The following CNKSR1 variants were observed in gnomAD, a reference collection of about 807,000 sequenced individuals.
CNKSR1 encodes connector enhancer of kinase suppressor of Ras 1.
CNKSR1 carries 88 observed loss-of-function variants against 95.6 expected under a neutral mutation model. The observed-to-expected ratio is 0.92, with a 90% confidence interval of 0.78 to 1.10. CNKSR1 has a LOEUF of 1.10. CNKSR1 is among the 50% of genes least tolerant of loss of function. The pLI is 0.00. For synonymous variants in CNKSR1, 355 were observed against 369.7 expected, an observed-to-expected ratio of 0.96 and a Z score of 0.46; for missense variants, 836 against 912.0, an observed-to-expected ratio of 0.92 and a Z score of 1.07.
rs2088649950 is a variant in CNKSR1 at position 26,181,703 on chromosome 1, C to G, written c.393-154C>G. On this transcript the variant is annotated intron_variant, in intron 3 of 20. Transcript: ENST00000361530. ...CATGACAAATAAGTCCTGTGCTAAT[C>G]TCTTTAGATGTCTCAATCATCTCCT... is the stretch of plus-strand genomic sequence containing the variant. The G allele has an allele frequency of 5.2e-5, 37 of 711,636 alleles. 1 individual carries two copies. Among genetic ancestry groups the G allele is most frequent in the South Asian group, 5.0e-4 (33 of 65,808 alleles). The allele number at this position is 711,636 out of a possible 1,614,324, so 44.1% of individuals were successfully genotyped here.
intron 16 of CNKSR1, 37 bp from the exon 17 acceptor site, chr1:26,188,197 G>A: frequency 6.3e-7 from 1 of 1,589,058 alleles, no homozygotes; most frequent in South Asian, 1.1e-5. Flanking sequence ...GGGCCCCAGT[G>A]GATGGAAACC....
At position 26,187,414 on chromosome 1, in the gene CNKSR1, G is replaced by A. The variant is rs1339844077; in HGVS notation, c.1386G>A (p.Val462=). The stretch of plus-strand genomic sequence containing the variant: ...ATGCTCCTCCACTACCTGGCAGTGT[G>A]TTTCAGCTCACCCATGATGTGTACA... The part of the protein sequence containing the change: ...ESGHDQKKKY[V]FQLTHDVYKP... Residue 462 remains valine (V), a synonymous_variant, in exon 16 of 21, where the codon GTG becomes GTA. Transcript: ENST00000361530. The A allele has an allele frequency of 2.5e-6, 4 of 1,614,082 alleles. No homozygotes were observed. The highest frequency in any genetic ancestry group is 3.4e-6 in the Non-Finnish European group (4 of 1,179,986).
intron 17 of CNKSR1, 65 bp from the exon 18 acceptor site, chr1:26,188,377 A>G (rs1329480481): frequency 1.9e-6 from 3 of 1,608,642 alleles, no homozygotes; most frequent in Non-Finnish European, 1.7e-6. Context: ...GATGGGGGCT[A>G]GGAACTCAAA....
intron 3 of CNKSR1, 25 bp from the exon 4 acceptor site, chr1:26,181,832 C>T: frequency 2.5e-6 from 4 of 1,609,558 alleles, no homozygotes; most frequent in Non-Finnish European, 3.4e-6. Context: ...GTCCCTTAAC[C>T]ACTGTGCTAT....
At position 26,182,352 on chromosome 1, in the gene CNKSR1, T is replaced by G; in HGVS notation, c.478-9T>G. On this transcript the variant is annotated splice_polypyrimidine_tract_variant and intron_variant, in intron 4 of 20. Coordinates refer to ENST00000361530, the MANE Select transcript of CNKSR1 (RefSeq NM_006314.3). ...AGGGGAGGCCCCTGCTCTCTCATTC[T>G]ACTTCCAGGATGGTCCAGCGGCTGA... The G allele has an allele frequency of 6.2e-7, 1 of 1,614,086 alleles. No individual in the cohort carries two copies. Among genetic ancestry groups the G allele is most frequent in the Non-Finnish European group, 8.5e-7 (1 of 1,179,974 alleles).
intron 16 of CNKSR1, among the ~76,000 whole-genome samples, chr1:26,187,992 C>T (rs973630769): frequency 3.3e-5 from 5 of 151,868 alleles, no homozygotes; most frequent in Admixed American, 6.6e-5. Flanking sequence ...AACACTTGGC[C>T]TCAAGCAATC....
At chr1:26,180,304 C>G in intron 1 of CNKSR1, 149 bp from the exon 2 acceptor site, 2 of 937,346 alleles carry the variant, frequency 2.1e-6, no homozygotes, top group African/African-American at 1.6e-5. Flanking sequence ...AACTCAGTGG[C>G]CTCATCTGTG....
At chr1:26,182,193 G>T in intron 4 of CNKSR1, 168 bp from the exon 5 acceptor site, 1 of 745,766 alleles carries the variant, frequency 1.3e-6, no homozygotes, top group East Asian at 2.6e-5. Context: ...TGGTATCAGG[G>T]AAACGAGCCC....
chr1:26,183,677 G>T, intron 8 of CNKSR1, 52 bp from the exon 9 acceptor site: 1 of 1,340,068 alleles, frequency 7.5e-7, no homozygotes, highest in Non-Finnish European at 1.1e-6. Context: ...GTTGGTGGTT[G>T]CTTTAGAGCC....
chr1:26,183,230 C>T lies in CNKSR1; in HGVS notation c.658C>T (p.His220Tyr), dbSNP rs888251520. 2 of 1,613,932 alleles carry T rather than the reference C, an allele frequency of 1.2e-6. No homozygotes were observed. The highest frequency in any genetic ancestry group is 1.3e-5 in the African/African-American group (1 of 74,918). Residue 220 changes from histidine to tyrosine, a missense_variant, in exon 7 of 21, where the codon CAC becomes TAC. Transcript: ENST00000361530. ...LEIHTTSNCQHFVSQVDTQVP... is the reference protein window; with the variant it reads ...LEIHTTSNCQYFVSQVDTQVP... The stretch of plus-strand genomic sequence containing the variant: ...AATTCACACCACCAGCAATTGCCAG[C>T]ACTTTGTGTCCCAAGTGGACACCCA...
rs368284772 is a variant in CNKSR1, at chr1:26,185,104, C to T, written c.1226C>T (p.Pro409Leu). Residue 409 changes from proline (P) to leucine (L), a missense_variant, in exon 14 of 21, where the codon CCG becomes CTG. Physicochemically the swap from Pro to Leu is moderately conservative, Grantham distance 98. Coordinates refer to ENST00000361530, the MANE Select transcript of CNKSR1 (RefSeq NM_006314.3). ...CDGWLLLRKA[P>L]GGFMGPRWRR... ...GGCTGGCTCCTGTTGCGAAAGGCAC[C>T]GGGCGGCTTCATGGGCCCGCGCTGG... 42 of 1,603,092 alleles carry T rather than the reference C, an allele frequency of 2.6e-5. No homozygotes were observed. The highest frequency in any genetic ancestry group is 6.8e-5 in the East Asian group (3 of 44,444).
rs1557624945 is a variant in CNKSR1 at position 26,187,474 on chromosome 1, T to A, written c.1446T>A (p.Asp482Glu). 2 of 1,614,066 alleles carry A rather than the reference T, an allele frequency of 1.2e-6. No individual in the cohort carries two copies. The highest frequency in any genetic ancestry group is 1.3e-5 in the African/African-American group (1 of 75,026). Residue 482 changes from aspartate to glutamate, a missense_variant, in exon 16 of 21, where the codon GAT becomes GAA. By Grantham distance (45) the Asp-to-Glu change is conservative (BLOSUM62 2). Transcript: ENST00000361530. ...PFIFAADTLT[D>E]LSMWVRHLIT... ...TCTTCGCTGCTGATACCCTGACAGA[T>A]CTGAGCATGTGAGTGCCGCCTCCCT...
At chr1:26,182,691 A>G in intron 6 of CNKSR1, 107 bp downstream of exon 6, 1 of 1,067,058 alleles carries the variant, frequency 9.4e-7, no homozygotes, top group Non-Finnish European at 1.4e-6. Flanking sequence ...ATGGCTGGAA[A>G]GCCTTTTTTG....
rs780714446 is a variant in CNKSR1, at chr1:26,183,341, G to A, written c.685-5G>A. On this transcript the variant is annotated splice_polypyrimidine_tract_variant and splice_region_variant and intron_variant, in intron 7 of 20. Coordinates refer to ENST00000361530, the MANE Select transcript of CNKSR1 (RefSeq NM_006314.3). ...GCCAACCTCAGGCCCCATTCCCCAC[G>A]TCAGGTTCCCACTGACTCCCGACTG... 3.5e-5 allele frequency: 57 copies of A among 1,614,172 alleles called. No homozygotes were observed. The South Asian group carries it at 5.3e-4, about 15-fold the overall frequency.
chr1:26,180,246 T>C, intron 1 of CNKSR1: 1 of 627,986 alleles, frequency 1.6e-6, no homozygotes, highest in Non-Finnish European at 2.8e-6. Flanking sequence ...CTGCTGCTGG[T>C]CTGGGGGCCA....
chr1:26,184,310 G>A, intron 11 of CNKSR1, 23 bp downstream of exon 11: 1 of 1,612,022 alleles, frequency 6.2e-7, no homozygotes, highest in South Asian at 1.1e-5. Flanking sequence ...CTCCATGGAT[G>A]CCCCGGACAC....
At position 26,183,820 on chromosome 1, in the gene CNKSR1, C is replaced by T. The variant is rs1360673382; in HGVS notation, c.845C>T (p.Thr282Ile). Residue 282 changes from threonine to isoleucine, a missense_variant, in exon 9 of 21, where the codon ACC becomes ATC. Coordinates refer to ENST00000361530, the MANE Select transcript of CNKSR1 (RefSeq NM_006314.3). ...LVLKKIPIPETPPQTPPQVLD... is the reference protein window; with the variant it reads ...LVLKKIPIPEIPPQTPPQVLD... ...CTGAAGAAGATCCCGATACCGGAGA[C>T]CCCCCCACAGGTACCTTCCCCTGCC... 1 of 1,206,318 alleles carries T rather than the reference C, an allele frequency of 8.3e-7. No individual in the cohort carries two copies. Among genetic ancestry groups the T allele is most frequent in the East Asian group, 4.1e-5 (1 of 24,506 alleles). The allele number at this position is 1,206,318 out of a possible 1,614,324, so 74.7% of individuals were successfully genotyped here. A position where few individuals can be genotyped will look rare whatever the true frequency, so the allele number is the denominator to read the frequency against.
rs140971101 is a variant in CNKSR1, at chr1:26,179,270, T to C, written c.53-1183T>C. Among the ~76,000 whole-genome samples the C allele has an allele frequency of 6.6e-5, 10 of 151,856 alleles. No individual in the cohort carries two copies. The East Asian group carries it at 1.6e-3, about 24-fold the overall frequency. ...AAGACCGATGGTCAAGTGCAGGGGT[T>C]TGTGGAGGCTCAGGGGCAGTGGGAA... On this transcript the variant is annotated intron_variant, in intron 1 of 20. Coordinates refer to ENST00000361530, the MANE Select transcript of CNKSR1 (RefSeq NM_006314.3).
intron 14 of CNKSR1, among the ~76,000 whole-genome samples, chr1:26,186,648 G>A (rs1332247803): frequency 6.6e-6 from 1 of 151,578 alleles, no homozygotes; most frequent in Non-Finnish European, 1.5e-5. Context: ...CTAATTTTTT[G>A]TATTTTTAGT....
Sources: allele counts gnomAD v4.1 joint callset (sites outside exome capture counted in the v4.1 genomes callset), GRCh38; gene constraint gnomAD v4.1.1; transcripts MANE v1.5; gene names NCBI Gene and HGNC (gene_info 2026-07-23, HGNC 2026-07-21).